Variants in ZNF700 observed in about 807,000 individuals in gnomAD.
ZNF700 encodes zinc finger protein 700.
ZNF700 carries 38 observed loss-of-function variants against 65.3 expected under a neutral mutation model. The ratio of observed to expected loss-of-function variants is 0.58; its 90% CI spans 0.45 to 0.76. The LOEUF is 0.76. Among genes scored for constraint, ZNF700 ranks in the 30% least tolerant of loss-of-function variants. The pLI is 0.00. For synonymous variants in ZNF700, 285 were observed against 290.4 expected (o/e 0.98, Z 0.19); for missense variants, 857 against 888.4 (o/e 0.96, Z 0.45).
chr19:11,943,184 G>A (rs752731919), intron 1 of ZNF700, among the ~76,000 whole-genome samples: 3 of 152,140 alleles, frequency 2.0e-5, no homozygotes, highest in Middle Eastern at 3.2e-3. Flanking sequence ...ACAGATTTAG[G>A]ATTAAACCCA....
chr19:11,942,308 A>G (rs1244863099), intron 1 of ZNF700, among the ~76,000 whole-genome samples: 1 of 151,890 alleles, frequency 6.6e-6, no homozygotes, highest in Middle Eastern at 3.2e-3. Context: ...CTTTGGGAAC[A>G]GGCATTTTCA....
rs1053605704 is a variant in ZNF700 at position 11,950,344 on chromosome 19, T to G, written c.*91T>G. 49 of 1,297,032 alleles carry G rather than the reference T, an allele frequency of 3.8e-5. No homozygotes were observed. Among genetic ancestry groups the G allele is most frequent in the Non-Finnish European group, 5.2e-5 (48 of 922,118 alleles). The allele number at this position is 1,297,032 out of a possible 1,614,324, so 80.3% of individuals were successfully genotyped here. On this transcript the variant is annotated 3_prime_UTR_variant, in exon 4 of 4. Transcript: ENST00000254321. ...TGGCAAAACTTTCACATTTTCCAGTTCTTTTCGATATCATGAAAGGACTCA... is the reference window on the plus strand; with the variant it reads ...TGGCAAAACTTTCACATTTTCCAGTGCTTTTCGATATCATGAAAGGACTCA...
chr19:11,948,588 C>G lies in ZNF700; in HGVS notation c.564C>G (p.His188Gln). 10 of 1,607,660 alleles carry G rather than the reference C, an allele frequency of 6.2e-6. No homozygotes were observed. The highest frequency in any genetic ancestry group is 6.8e-6 in the Non-Finnish European group (8 of 1,178,662). ...RPSIRTQERDHTGEKPYACKV... is the reference protein window; with the variant it reads ...RPSIRTQERDQTGEKPYACKV... The stretch of plus-strand genomic sequence containing the variant: ...CCATTAGAACACAAGAAAGGGATCA[C>G]ACTGGAGAGAAACCCTATGCTTGTA... Residue 188 changes from histidine (H) to glutamine (Q), a missense_variant, in exon 4 of 4, where the codon CAC becomes CAG. Around this residue, in one of 3 missense-constraint regions of ZNF700, gnomAD observed 603 missense variants for 619.9 expected, o/e 0.97. Coordinates refer to ENST00000254321, the MANE Select transcript of ZNF700 (RefSeq NM_144566.3).
chr19:11,928,776 A>G (rs936368242), intron 1 of ZNF700, among the ~76,000 whole-genome samples: 2 of 143,480 alleles, frequency 1.4e-5, no homozygotes, highest in African/African-American at 2.9e-5. Context: ...TAGTCTTACT[A>G]CAGAGATCAG....
Position 11,950,051 on chromosome 19 carries a change from A to G in ZNF700, c.2027A>G (p.Tyr676Cys), listed in dbSNP as rs767836918. The change falls in exon 4 of 4, where the codon TAT becomes TGT. Residue 676 changes from tyrosine (Y) to cysteine (C), a missense_variant. Physicochemically the swap from Tyr to Cys is radical, Grantham distance 194. This residue lies in a region of ZNF700 where 251 missense variants were observed against 250.3 expected (regional missense o/e 1.00). Transcript: ENST00000254321. ...AGGAAGCACAGAGGAGAGAAGCCCT[A>G]TGAATGTAAGCATTGTGGGAATGGA... Reference protein sequence around the residue: ...HERKHRGEKPYECKHCGNGFT... With the variant: ...HERKHRGEKPCECKHCGNGFT... 5 of 1,614,222 alleles carry G rather than the reference A, an allele frequency of 3.1e-6. No homozygotes were observed. The highest frequency in any genetic ancestry group is 2.2e-5 in the South Asian group (2 of 91,090).
intron 1 of ZNF700, among the ~76,000 whole-genome samples, chr19:11,925,933 G>C (rs1034605572): frequency 1.3e-4 from 20 of 152,318 alleles, no homozygotes; most frequent in African/African-American, 2.4e-4. Context: ...CAGGGAAAAT[G>C]ATGAATCAGT....
rs1293415953 is a variant in ZNF700, at chr19:11,931,544, T to C, written c.63+6271T>C. On this transcript the variant is annotated intron_variant, in intron 1 of 3. Transcript: ENST00000254321. ...CCTCCCAACAATATTCTATAGAGGA[T>C]CTTGTCTATTTTTAGTCATTGTCTT... Among the ~76,000 whole-genome samples the C allele has an allele frequency of 1.3e-5, 2 of 148,312 alleles. 1 individual carries two copies. Among genetic ancestry groups the C allele is most frequent in the African/African-American group, 5.3e-5 (2 of 37,976 alleles).
chr19:11,941,052 T>A (rs1279245620), intron 1 of ZNF700, among the ~76,000 whole-genome samples: 1 of 151,962 alleles, frequency 6.6e-6, no homozygotes, highest in Non-Finnish European at 1.5e-5. Flanking sequence ...CTCACCAGAG[T>A]AGCTAGATAC....
chr19:11,948,423 A>G lies in ZNF700; in HGVS notation c.399A>G (p.Glu133=). Residue 133 remains glutamate (E), a synonymous_variant, in exon 4 of 4, where the codon GAA becomes GAG. Coordinates refer to ENST00000254321, the MANE Select transcript of ZNF700 (RefSeq NM_144566.3). ...VKSCDSFVCA[E]VGIGNSSFNM... is the part of the protein sequence containing the mutation. ...CATGTGACAGCTTTGTGTGTGCAGAAGTTGGCATAGGTAACTCATCTTTTA... is the reference window on the plus strand; with the variant it reads ...CATGTGACAGCTTTGTGTGTGCAGAGGTTGGCATAGGTAACTCATCTTTTA... 1 of 1,614,184 alleles carries G rather than the reference A, an allele frequency of 6.2e-7. No homozygotes were observed. The highest frequency in any genetic ancestry group is 8.5e-7 in the Non-Finnish European group (1 of 1,180,010).
Position 11,927,540 on chromosome 19 carries a change from G to A in ZNF700, c.63+2267G>A, listed in dbSNP as rs1972649716. Among the ~76,000 whole-genome samples, 3 of 152,128 alleles carry A rather than the reference G, an allele frequency of 2.0e-5. No individual in the cohort carries two copies. In the South Asian group the frequency reaches 6.2e-4, roughly 32 times the overall value. On this transcript the variant is annotated intron_variant, in intron 1 of 3. Coordinates refer to ENST00000254321, the MANE Select transcript of ZNF700 (RefSeq NM_144566.3). ...CATACAGCAAGTGGAGGAACGTACT[G>A]TCTTTAAGTTTTTCTTATGTAGGGA...
At chr19:11,948,209 T>C in intron 3 of ZNF700, 67 bp from the exon 4 acceptor site, 1 of 1,539,598 alleles carries the variant, frequency 6.5e-7, no homozygotes, top group Non-Finnish European at 8.8e-7. Context: ...GCAAGTGCAA[T>C]ACTTGTTGAT....
At chr19:11,936,039 A>G (rs1031988458) in intron 1 of ZNF700, among the ~76,000 whole-genome samples, 1 of 152,190 alleles carries the variant, frequency 6.6e-6, no homozygotes, top group Non-Finnish European at 1.5e-5. Context: ...ACATGAACTC[A>G]TCCTTTTTTA....
chr19:11,939,022 T>G (rs535415773), intron 1 of ZNF700, among the ~76,000 whole-genome samples: 2 of 152,366 alleles, frequency 1.3e-5, no homozygotes, highest in South Asian at 2.1e-4. Context: ...CATAAATGTC[T>G]TCTTTTGAGA....
At chr19:11,940,226 G>A (rs550424402) in intron 1 of ZNF700, among the ~76,000 whole-genome samples, 8 of 152,262 alleles carry the variant, frequency 5.3e-5, no homozygotes, top group African/African-American at 1.7e-4. Flanking sequence ...CACAGTGCCC[G>A]GCCAAGATGT....
At chr19:11,935,635 T>A (rs1029287928) in intron 1 of ZNF700, among the ~76,000 whole-genome samples, 106 of 152,302 alleles carry the variant, frequency 7.0e-4, no homozygotes, top group African/African-American at 2.6e-3. Context: ...TCTGCAATTA[T>A]TTTGTCCCAG....
rs140693266 is a variant in ZNF700, at chr19:11,950,165, A to G, written c.2141A>G (p.Asn714Ser). ...TGTAAGGAATGCGGAAAAGCATTCAATTATTTTTCTTCCTTGCATATACAC... is the reference window on the plus strand; with the variant it reads ...TGTAAGGAATGCGGAAAAGCATTCAGTTATTTTTCTTCCTTGCATATACAC... Reference protein sequence around the residue: ...YECKECGKAFNYFSSLHIHAR... With the variant: ...YECKECGKAFSYFSSLHIHAR... The change falls in exon 4 of 4, where the codon AAT becomes AGT. Residue 714 changes from asparagine (N) to serine (S), a missense_variant. Physicochemically the swap from Asn to Ser is conservative, Grantham distance 46. This residue lies in a region of ZNF700 where 251 missense variants were observed against 250.3 expected (regional missense o/e 1.00). Transcript: ENST00000254321. 2.6e-5 allele frequency: 42 copies of G among 1,613,780 alleles called. No individual in the cohort carries two copies. In the South Asian group the frequency reaches 2.7e-4, roughly 11 times the overall value.
chr19:11,925,140 T>G lies in ZNF700; in HGVS notation c.-71T>G. 6.3e-7 allele frequency: 1 copy of G among 1,581,992 alleles called. No individual in the cohort carries two copies. Among genetic ancestry groups the G allele is most frequent in the Non-Finnish European group, 8.6e-7 (1 of 1,160,728 alleles). On this transcript the variant is annotated 5_prime_UTR_variant, in exon 1 of 4. Transcript: ENST00000254321. The stretch of plus-strand genomic sequence containing the variant: ...TCCTCGCTGCGCGGGCGGCGGTTGG[T>G]AACCGGTCAGACCAGCCCGAGAGGG...
chr19:11,945,549 T>G (rs1972945943), intron 1 of ZNF700, among the ~76,000 whole-genome samples: 2 of 152,160 alleles, frequency 1.3e-5, no homozygotes, highest in African/African-American at 4.8e-5. Context: ...AACCGGGTAC[T>G]GTTTTTGCCT....
chr19:11,948,299 A>T lies in ZNF700; in HGVS notation c.275A>T (p.Asn92Ile). 6.2e-7 allele frequency: 1 copy of T among 1,613,294 alleles called. No homozygotes were observed. Among genetic ancestry groups the T allele is most frequent in the Non-Finnish European group, 8.5e-7 (1 of 1,179,742 alleles). The stretch of plus-strand genomic sequence containing the variant: ...AGGAGTCTCATAGAAGAGAAAGTCA[A>T]TGAAATTAAAGAAGACAGTCATTGT... ...SFRSLIEEKV[N>I]EIKEDSHCGE... The change falls in exon 4 of 4, where the codon AAT (asparagine) becomes ATT (isoleucine). Residue 92 changes from asparagine to isoleucine, a missense_variant. By Grantham distance (149) the Asn-to-Ile change is moderately radical (BLOSUM62 -3). Coordinates refer to ENST00000254321, the MANE Select transcript of ZNF700 (RefSeq NM_144566.3).
Sources: allele counts gnomAD v4.1 joint callset (sites outside exome capture counted in the v4.1 genomes callset), GRCh38; gene constraint gnomAD v4.1.1; regional missense constraint gnomAD v4.1.1; transcripts MANE v1.5; gene names NCBI Gene and HGNC (gene_info 2026-07-23, HGNC 2026-07-21).